The following TOPAZ1 variants were observed in gnomAD, a reference collection of about 807,000 sequenced individuals.
The protein encoded by TOPAZ1 is protein TOPAZ1.
Under a neutral mutation model 172.2 loss-of-function variants are expected in TOPAZ1, and 66 were observed. The observed-to-expected ratio is 0.38, with a 90% CI of 0.31 to 0.47. The LOEUF (loss-of-function observed/expected upper bound fraction) is 0.47, where lower values mean the gene tolerates loss of function less well. Ranked by LOEUF, TOPAZ1 falls within the 20% of genes least tolerant of loss-of-function variation. The probability of loss-of-function intolerance (pLI) is 0.99; values close to 1 mark genes in which losing one functional copy is unlikely to be tolerated. For missense variants in TOPAZ1, 1,822 were observed against 1,972.4 expected, an observed-to-expected ratio of 0.92 and a Z score of 1.44; for synonymous variants, 681 against 683.9, an observed-to-expected ratio of 1.00 and a Z score of 0.07.
chr3:44,270,287 A>G (rs1699881423), intron 7 of TOPAZ1, among the ~76,000 whole-genome samples: 1 of 152,210 alleles, frequency 6.6e-6, no homozygotes, highest in Non-Finnish European at 1.5e-5. Flanking sequence ...CAGGTACGTG[A>G]AAGGGAAGAG....
rs550109381 is a variant in TOPAZ1 at position 44,315,154 on chromosome 3, A to G, written c.4306+5164A>G. On this transcript the variant is annotated intron_variant, in intron 16 of 19. Coordinates refer to ENST00000309765, the MANE Select transcript of TOPAZ1 (RefSeq NM_001145030.2). ...ATGGATGGATGTTCTTCATTTATGTATCTTTATACCTTCCAAAGAGGAAAT... is the reference window on the plus strand; with the variant it reads ...ATGGATGGATGTTCTTCATTTATGTGTCTTTATACCTTCCAAAGAGGAAAT... Among the ~76,000 whole-genome samples the G allele has an allele frequency of 3.2e-5, 4 of 126,174 alleles. No homozygotes were observed. The East Asian group carries it at 1.1e-3, about 36-fold the overall frequency. 82.8% of individuals were successfully genotyped at this position (126,174 alleles called of 152,430 possible).
chr3:44,287,155 A>G (rs758155407), intron 9 of TOPAZ1, among the ~76,000 whole-genome samples: 3 of 152,238 alleles, frequency 2.0e-5, no homozygotes, highest in Admixed American at 6.5e-5. Context: ...TATTCTTTGC[A>G]GGTAGCACAT....
At chr3:44,328,489 C>A in intron 19 of TOPAZ1, 56 bp downstream of exon 19, 3 of 955,836 alleles carry the variant, frequency 3.1e-6, no homozygotes, top group Non-Finnish European at 3.0e-6. Flanking sequence ...TCCCCACACC[C>A]ACCCTAAGAT....
At chr3:44,251,816 G>A (rs1699635308) in intron 2 of TOPAZ1, among the ~76,000 whole-genome samples, 1 of 152,022 alleles carries the variant, frequency 6.6e-6, no homozygotes, top group Non-Finnish European at 1.5e-5. Flanking sequence ...TATTTCTGTA[G>A]CCTCATCCAA....
downstream of TOPAZ1, chr3:44,332,150 T>A: frequency 1.7e-6 from 1 of 595,292 alleles, no homozygotes; most frequent in Non-Finnish European, 2.9e-6. Context: ...TTTAAAGCAC[T>A]AAATTTTTAT....
rs545655915 is a variant in TOPAZ1, at chr3:44,296,181, A to G, written c.3797+5295A>G. Among the ~76,000 whole-genome samples the G allele has an allele frequency of 2.6e-5, 4 of 152,320 alleles. No individual in the cohort carries two copies. The East Asian group carries it at 7.7e-4, about 29-fold the overall frequency. ...GTTAGAACTGAATAAAAATGAAAAT[A>G]TGTCACAACTTGGGGATGCAGTTAA... is the stretch of plus-strand genomic sequence containing the variant. On this transcript the variant is annotated intron_variant, in intron 12 of 19. Coordinates refer to ENST00000309765, the MANE Select transcript of TOPAZ1 (RefSeq NM_001145030.2).
At chr3:44,307,722 G>A (rs1700351419) in intron 15 of TOPAZ1, among the ~76,000 whole-genome samples, 2 of 152,126 alleles carry the variant, frequency 1.3e-5, no homozygotes, top group Admixed American at 6.5e-5. Context: ...TAACATTTAA[G>A]TACATGGTCA....
In TOPAZ1 at chr3:44,267,115, A is replaced by G. The variant is rs777717756; in HGVS notation, c.3139A>G (p.Ile1047Val). Residue 1047 changes from isoleucine (I) to valine (V), a missense_variant, in exon 6 of 20, where the codon ATA becomes GTA. Around this residue, in one of 2 missense-constraint regions of TOPAZ1, gnomAD observed 1,489 missense variants for 1,490.8 expected, o/e 1.00. Coordinates refer to ENST00000309765, the MANE Select transcript of TOPAZ1 (RefSeq NM_001145030.2). ...LNLSGRQEDT[I>V]LNTWMNDFRF... The stretch of plus-strand genomic sequence containing the variant: ...TCTAAGTGGTCGTCAAGAAGACACA[A>G]TACTGAATACCTGGATGAATGGTAC... 43 of 1,539,304 alleles carry G rather than the reference A, an allele frequency of 2.8e-5. No homozygotes were observed. The South Asian group carries it at 5.1e-4, about 18-fold the overall frequency.
chr3:44,250,628 C>T (rs1699619623), intron 2 of TOPAZ1, among the ~76,000 whole-genome samples: 1 of 152,094 alleles, frequency 6.6e-6, no homozygotes, highest in African/African-American at 2.4e-5. Flanking sequence ...AGAGTCTGTC[C>T]CTGCTCTGCA....
Position 44,323,258 on chromosome 3 carries a change from G to A in TOPAZ1, c.4638G>A (p.Arg1546=). ...GAAGATTAATTACTTCTTTAGGAAG[G>A]AGTCGTTTATGGCTCAAAGCCAGAG... ...FLRRLITSLG[R]SRLWLKARAH... Residue 1546 remains arginine (R), a synonymous_variant, in exon 18 of 20, where the codon AGG becomes AGA. Coordinates refer to ENST00000309765, the MANE Select transcript of TOPAZ1 (RefSeq NM_001145030.2). The A allele has an allele frequency of 1.3e-6, 2 of 1,549,918 alleles. No homozygotes were observed. The highest frequency in any genetic ancestry group is 8.7e-7 in the Non-Finnish European group (1 of 1,146,046).
intron 12 of TOPAZ1, among the ~76,000 whole-genome samples, chr3:44,302,005 CA>C (rs1464741765): frequency 6.6e-6 from 1 of 152,098 alleles, no homozygotes; most frequent in Non-Finnish European, 1.5e-5. Flanking sequence ...TTCATTTTTA[CA>C]GTTAGGTTTT....
chr3:44,272,233 C>A (rs909376598), intron 8 of TOPAZ1, among the ~76,000 whole-genome samples: 4 of 152,186 alleles, frequency 2.6e-5, no homozygotes, highest in Admixed American at 2.0e-4. Flanking sequence ...CTTCAACATA[C>A]TGATTTCAAA....
rs368002920 is a variant in TOPAZ1, at chr3:44,285,283, G to A, written c.3437-2106G>A. On this transcript the variant is annotated intron_variant, in intron 9 of 19. Coordinates refer to ENST00000309765, the MANE Select transcript of TOPAZ1 (RefSeq NM_001145030.2). ...TTTAGACCAGCCTGGGCAAAATGGCGAAACCCCATCTCTATAAAAATAAAT... is the reference window on the plus strand; with the variant it reads ...TTTAGACCAGCCTGGGCAAAATGGCAAAACCCCATCTCTATAAAAATAAAT... 9.2e-5 allele frequency among the ~76,000 whole-genome samples: 14 copies of A among 152,038 alleles called. No individual in the cohort carries two copies. The East Asian group carries it at 1.6e-3, about 17-fold the overall frequency.
chr3:44,254,914 A>C, intron 2 of TOPAZ1, 54 bp from the exon 3 acceptor site: 1 of 1,316,320 alleles, frequency 7.6e-7, no homozygotes, highest in Non-Finnish European at 1.1e-6. Context: ...AGAGAAGTGG[A>C]TAGTTCTGCT....
At position 44,246,037 on chromosome 3, in the gene TOPAZ1, C is replaced by T. The variant is rs149680349; in HGVS notation, c.2765+766C>T. On this transcript the variant is annotated intron_variant, in intron 2 of 19. Coordinates refer to ENST00000309765, the MANE Select transcript of TOPAZ1 (RefSeq NM_001145030.2). ...AAGTTCATTTTTCAGGGGACAGAGA[C>T]GCCTTGGAAATTTTTATTTGAAGTA... is the stretch of plus-strand genomic sequence containing the variant. 4.3e-3 allele frequency among the ~76,000 whole-genome samples: 649 copies of T among 152,282 alleles called. 10 individuals carry two copies. The highest frequency in any genetic ancestry group is 0.015 in the African/African-American group (615 of 41,564).
At chr3:44,263,486 T>C (rs1184144803) in intron 5 of TOPAZ1, among the ~76,000 whole-genome samples, 1 of 152,220 alleles carries the variant, frequency 6.6e-6, no homozygotes, top group Admixed American at 6.5e-5. Flanking sequence ...AAATTCATAA[T>C]TTCTATTTCT....
At chr3:44,323,376 A>T in intron 18 of TOPAZ1, 81 bp downstream of exon 18, 1 of 850,734 alleles carries the variant, frequency 1.2e-6, no homozygotes, top group Non-Finnish European at 1.7e-6. Context: ...ATAAGATTAG[A>T]TATTTATATG....
rs1158889050 is a variant in TOPAZ1, at chr3:44,242,858, G to A, written c.352G>A (p.Glu118Lys). 2.0e-6 allele frequency: 3 copies of A among 1,497,550 alleles called. No individual in the cohort carries two copies. Among genetic ancestry groups the A allele is most frequent in the African/African-American group, 2.9e-5 (2 of 70,112 alleles). The allele number at this position is 1,497,550 out of a possible 1,614,324, so 92.8% of individuals were successfully genotyped here. A position where few individuals can be genotyped will look rare whatever the true frequency, so the allele number is the denominator to read the frequency against. The change falls in exon 2 of 20, where the codon GAA becomes AAA. Residue 118 changes from glutamate to lysine, a missense_variant. Glu to Lys is a moderately conservative substitution (Grantham distance 56, BLOSUM62 1). Coordinates refer to ENST00000309765, the MANE Select transcript of TOPAZ1 (RefSeq NM_001145030.2). ...TATTTTGTTGTTTTGATCAGCCAAG[G>A]AAAAAAGAAAAGTTACTGAAGCCTC... Reference protein sequence around the residue: ...LPLQTERHTKEKRKVTEASSD... With the variant: ...LPLQTERHTKKKRKVTEASSD...
chr3:44,297,152 C>CAA (rs56748700), intron 12 of TOPAZ1, among the ~76,000 whole-genome samples: 70,343 of 147,676 alleles, frequency 0.48, 17,514 homozygotes, highest in East Asian at 0.8. Context: ...GCCTGGACAA[C>CAA]GAGTGAAAGT....
Sources: gnomAD v4.1 joint callset for allele counts (sites outside exome capture counted in the v4.1 genomes callset) on GRCh38, gnomAD v4.1.1 for gene constraint, gnomAD v4.1.1 regional missense constraint, MANE v1.5 for transcripts, NCBI Gene and HGNC (gene_info 2026-07-23, HGNC 2026-07-21) for gene names.